The following COL4A2 variants were observed in gnomAD, a reference collection of about 807,000 sequenced individuals.
The protein encoded by COL4A2 is collagen alpha-2(IV) chain.
A neutral mutation model predicts 200.2 loss-of-function variants in COL4A2; 99 were observed. The observed-to-expected ratio is 0.49, with a 90% CI of 0.42 to 0.58. The LOEUF (loss-of-function observed/expected upper bound fraction) is 0.58, where lower values mean the gene tolerates loss of function less well. COL4A2 is among the 20% of genes least tolerant of loss of function. The pLI, the probability that COL4A2 is intolerant of heterozygous loss-of-function variation, is 0.00. For missense variants in COL4A2, 1,950 were observed against 2,314.1 expected (o/e 0.84, Z 3.23); for synonymous variants, 897 against 900.6 (o/e 1.00, Z 0.07).
chr13:110,368,097 T>C (rs1877833918), intron 4 of COL4A2, among the ~76,000 whole-genome samples: 1 of 152,274 alleles, frequency 6.6e-6, no homozygotes, highest in Admixed American at 6.5e-5. Context: ...ATGATAGAAT[T>C]ATTGGTCTAG....
At chr13:110,429,180 T>TG (rs1162025556) in intron 7 of COL4A2, 3 of 152,152 alleles carry the variant, frequency 2.0e-5, no homozygotes, top group Non-Finnish European at 4.4e-5. Flanking sequence ...AACTTTAAAG[T>TG]GGGGAGGGAA....
rs7316969 is a variant in COL4A2, at chr13:110,506,707, G to A, written c.4594+101G>A. On this transcript the variant is annotated intron_variant, in intron 46 of 47. Coordinates refer to ENST00000360467, the MANE Select transcript of COL4A2 (RefSeq NM_001846.4). ...GAGACTCCCAAACCCTCCACGGCTG[G>A]TAAGTTCCCCTGACGGAAGGGTCCA... 1,234,716 of 1,246,204 alleles carry A rather than the reference G, an allele frequency of 0.99. 612,376 individuals are homozygous for A. The highest frequency in any genetic ancestry group is 1 in the East Asian group (38,584 of 38,584). The allele number at this position is 1,246,204 out of a possible 1,614,324, so 77.2% of individuals were successfully genotyped here. A position where few individuals can be genotyped will look rare whatever the true frequency, so the allele number is the denominator to read the frequency against.
intron 31 of COL4A2, among the ~76,000 whole-genome samples, chr13:110,481,732 C>T (rs111569146): frequency 6.2e-5 from 2 of 32,084 alleles, no homozygotes; most frequent in Non-Finnish European, 1.3e-4. Flanking sequence ...ACACACTGTT[C>T]TGTCCCTCCG....
rs911719868 is a variant in COL4A2 at position 110,455,174 on chromosome 13, G to A, written c.1340-2169G>A. 4.6e-5 allele frequency among the ~76,000 whole-genome samples: 7 copies of A among 152,134 alleles called. No individual in the cohort carries two copies. In the East Asian group the frequency reaches 5.8e-4, roughly 13 times the overall value. On this transcript the variant is annotated intron_variant, in intron 20 of 47. Coordinates refer to ENST00000360467, the MANE Select transcript of COL4A2 (RefSeq NM_001846.4). ...ACACGGCAGACTCACATGGCAGACC[G>A]CGTAGCCTCCCTCCTTGATGCCCTT...
chr13:110,373,792 G>T (rs1878118772), intron 4 of COL4A2, among the ~76,000 whole-genome samples: 1 of 152,238 alleles, frequency 6.6e-6, no homozygotes, highest in Non-Finnish European at 1.5e-5. Flanking sequence ...AGCATCTGTG[G>T]AGTTGGCTCC....
In COL4A2 at chr13:110,307,898, G is replaced by A; in HGVS notation, c.-6G>A. 1.2e-6 allele frequency: 2 copies of A among 1,612,110 alleles called. No homozygotes were observed. The highest frequency in any genetic ancestry group is 1.1e-5 in the South Asian group (1 of 90,818). The stretch of plus-strand genomic sequence containing the variant: ...GACCGGGGCCCAGAGTGGACGAACC[G>A]CCAGCATGGGGAGAGACCAGCGCGC... On this transcript the variant is annotated 5_prime_UTR_variant, in exon 2 of 48. Transcript: ENST00000360467. This position sits in a 1 kb window ranked among gnomAD's most constrained non-coding sequence, Gnocchi z 5.0.
chr13:110,466,093 C>T lies in COL4A2; in HGVS notation c.2038+31C>T, dbSNP rs758731657. ...CTGGGAAGTGCAGGTGGCTTTAGGACACTAGAGAACTCTCATTTGGTCTGC... is the reference window on the plus strand; with the variant it reads ...CTGGGAAGTGCAGGTGGCTTTAGGATACTAGAGAACTCTCATTTGGTCTGC... On this transcript the variant is annotated intron_variant, in intron 26 of 47. Transcript: ENST00000360467. 1.9e-6 allele frequency: 3 copies of T among 1,599,512 alleles called. No individual in the cohort carries two copies. The South Asian group carries it at 3.3e-5, about 18-fold the overall frequency.
At position 110,502,883 on chromosome 13, in the gene COL4A2, G is replaced by T. The variant is rs12873113; in HGVS notation, c.3878-238G>T. 0.2 allele frequency: 93,816 copies of T among 458,422 alleles called. 10,466 individuals carry two copies. The highest frequency in any genetic ancestry group is 0.27 in the Middle Eastern group (465 of 1,700). 28.4% of individuals were successfully genotyped at this position (458,422 alleles called of 1,614,324 possible). ...TTTAGGATGAGAAAGTTCTGGAGCT[G>T]GTCGGCGGTGAAGGTGAATATATTG... On this transcript the variant is annotated intron_variant, in intron 41 of 47. Coordinates refer to ENST00000360467, the MANE Select transcript of COL4A2 (RefSeq NM_001846.4).
In COL4A2 at chr13:110,452,404, C is replaced by T. The variant is rs990783859; in HGVS notation, c.1339+1950C>T. ...GTCTCGATCTCCTGACCTCATGATC[C>T]GCCCGCCTCGGTCTCCCAAAGTGCT... On this transcript the variant is annotated intron_variant, in intron 20 of 47. Transcript: ENST00000360467. Among the ~76,000 whole-genome samples the T allele has an allele frequency of 9.8e-5, 15 of 152,324 alleles. No individual in the cohort carries two copies. In the East Asian group the frequency reaches 1.4e-3, roughly 14 times the overall value.
intron 3 of COL4A2, among the ~76,000 whole-genome samples, chr13:110,335,349 G>A (rs1455802158): frequency 6.6e-6 from 1 of 152,124 alleles, no homozygotes; most frequent in Non-Finnish European, 1.5e-5. Context: ...CCAGTGGGAG[G>A]TAACTGAATC....
intron 4 of COL4A2, among the ~76,000 whole-genome samples, chr13:110,393,476 T>C (rs1333886047): frequency 6.6e-6 from 1 of 152,188 alleles, no homozygotes; most frequent in East Asian, 1.9e-4. Context: ...ATTTCAATTC[T>C]TTGTCTGAGT....
intron 16 of COL4A2, among the ~76,000 whole-genome samples, chr13:110,440,273 C>G (rs181993642): frequency 1.3e-5 from 2 of 151,778 alleles, no homozygotes; most frequent in African/African-American, 4.8e-5. Flanking sequence ...AGATTTTTGG[C>G]TTTTTTTTAG....
At chr13:110,429,652 A>C (rs1470294825) in intron 7 of COL4A2, among the ~76,000 whole-genome samples, 1 of 152,220 alleles carries the variant, frequency 6.6e-6, no homozygotes, top group East Asian at 1.9e-4. Flanking sequence ...TAAATCCTAA[A>C]GTATTTCTGT....
intron 28 of COL4A2, among the ~76,000 whole-genome samples, chr13:110,469,988 C>T (rs1459390354): frequency 2.0e-5 from 3 of 147,840 alleles, no homozygotes; most frequent in African/African-American, 7.5e-5. Flanking sequence ...AATCTCAGCT[C>T]ACTGCAACCT....
rs1161573276 is a variant in COL4A2 at position 110,378,550 on chromosome 13, G to T, written c.180+20998G>T. Among the ~76,000 whole-genome samples, 4 of 152,294 alleles carry T rather than the reference G, an allele frequency of 2.6e-5. No homozygotes were observed. The East Asian group carries it at 7.7e-4, about 29-fold the overall frequency. ...TCTGGAATTACAGCCAAATCAGGAGGCCTTTTAAGATTGATTTAGGAAGAG... is the reference window on the plus strand; with the variant it reads ...TCTGGAATTACAGCCAAATCAGGAGTCCTTTTAAGATTGATTTAGGAAGAG... On this transcript the variant is annotated intron_variant, in intron 4 of 47. Coordinates refer to ENST00000360467, the MANE Select transcript of COL4A2 (RefSeq NM_001846.4).
chr13:110,472,328 G>A (rs565092023), intron 28 of COL4A2, among the ~76,000 whole-genome samples: 10 of 152,070 alleles, frequency 6.6e-5, no homozygotes, highest in African/African-American at 1.7e-4. Context: ...TGTTAGCCAG[G>A]ATGGTCTCGA....
At chr13:110,376,709 C>G (rs1310462238) in intron 4 of COL4A2, among the ~76,000 whole-genome samples, 3 of 152,136 alleles carry the variant, frequency 2.0e-5, no homozygotes, top group African/African-American at 7.2e-5. Flanking sequence ...GCCTGAAGTT[C>G]TGCAGTTGCC....
At chr13:110,464,901 A>G (rs1339482204) in intron 24 of COL4A2, among the ~76,000 whole-genome samples, 1 of 152,144 alleles carries the variant, frequency 6.6e-6, no homozygotes, top group Non-Finnish European at 1.5e-5. Flanking sequence ...TCCACAGGGC[A>G]GCCCCTCTCC....
At chr13:110,388,757 G>T (rs958026737) in intron 4 of COL4A2, among the ~76,000 whole-genome samples, 29 of 152,326 alleles carry the variant, frequency 1.9e-4, no homozygotes, top group Middle Eastern at 6.8e-3. Context: ...TCTGACATCA[G>T]AATTTGTGCA....
Sources: allele counts gnomAD v4.1 joint callset (sites outside exome capture counted in the v4.1 genomes callset), GRCh38; gene constraint gnomAD v4.1.1; non-coding constraint Gnocchi (gnomAD v3.1); transcripts MANE v1.5; gene names NCBI Gene and HGNC (gene_info 2026-07-23, HGNC 2026-07-21).